CDH15: variants seen among roughly 807,000 people sequenced by gnomAD.
CDH15 encodes cadherin-15.
Under a neutral mutation model 69.4 loss-of-function variants are expected in CDH15, and 73 were observed. That is an observed-to-expected ratio of 1.05 (90% confidence interval 0.87 to 1.28). The LOEUF (loss-of-function observed/expected upper bound fraction) is 1.28, where lower values mean the gene tolerates loss of function less well. Among genes scored for constraint, CDH15 ranks in the 50% most tolerant of loss-of-function variants. The pLI is 0.00. For synonymous variants in CDH15, 624 were observed against 507.7 expected (o/e 1.23, Z -3.08); for missense variants, 1,343 against 1,133.6 (o/e 1.18, Z -2.65).
chr16:89,184,524 G>A (rs1567773134), intron 4 of CDH15, among the ~76,000 whole-genome samples: 1 of 152,162 alleles, frequency 6.6e-6, no homozygotes, highest in Non-Finnish European at 1.5e-5. Context: ...AGGTGGGGCG[G>A]GGGCTCTGGC....
rs565452903 is a variant in CDH15, at chr16:89,186,739, C to A, written c.664-690C>A. On this transcript the variant is annotated intron_variant, in intron 5 of 13. Coordinates refer to ENST00000289746, the MANE Select transcript of CDH15 (RefSeq NM_004933.3). ...AGGTGCTCTGTAAAAGCTCACCCAGCGCACAGAAGGTGCTCTGTAAACGCT... is the reference window on the plus strand; with the variant it reads ...AGGTGCTCTGTAAAAGCTCACCCAGAGCACAGAAGGTGCTCTGTAAACGCT... Among the ~76,000 whole-genome samples, 15 of 148,722 alleles carry A rather than the reference C, an allele frequency of 1.0e-4. No individual in the cohort carries two copies. In the East Asian group the frequency reaches 3.1e-3, roughly 30 times the overall value.
At chr16:89,193,671 C>G (rs1271129001) in intron 12 of CDH15, 65 bp downstream of exon 12, 13 of 1,566,706 alleles carry the variant, frequency 8.3e-6, no homozygotes, top group Non-Finnish European at 1.1e-5. Context: ...CTTCTTACAA[C>G]AAGCTGGCCA....
In CDH15 at chr16:89,193,887, C is replaced by T; in HGVS notation, c.2125C>T (p.Leu709=). The T allele has an allele frequency of 1.2e-6, 2 of 1,612,284 alleles. No individual in the cohort carries two copies. Among genetic ancestry groups the T allele is most frequent in the Non-Finnish European group, 1.7e-6 (2 of 1,179,832 alleles). Residue 709 remains leucine (L), a synonymous_variant, in exon 13 of 14, where the codon CTG becomes TTG. Coordinates refer to ENST00000289746, the MANE Select transcript of CDH15 (RefSeq NM_004933.3). ...QPPRVLPTSP[L]DIADFINDGL... ...ACCCCGAGTGCTGCCCACCAGCCCC[C>T]TGGACATCGCCGACTTCATCAATGA...
chr16:89,192,595 C>T lies in CDH15; in HGVS notation c.1855+151C>T. 8.5e-6 allele frequency: 5 copies of T among 586,916 alleles called. 1 individual carries two copies. Among genetic ancestry groups the T allele is most frequent in the Admixed American group, 6.1e-5 (2 of 32,908 alleles). The allele number at this position is 586,916 out of a possible 1,614,324, so 36.4% of individuals were successfully genotyped here. On this transcript the variant is annotated intron_variant, in intron 11 of 13. Coordinates refer to ENST00000289746, the MANE Select transcript of CDH15 (RefSeq NM_004933.3). ...ATTACCAGCCACGCCGCTTCCTCCC[C>T]AGCTCCGCCTCCTCCCTAACCCCGC...
intron 13 of CDH15, among the ~76,000 whole-genome samples, 179 bp downstream of exon 13, chr16:89,194,092 C>T (rs897974800): frequency 6.6e-6 from 1 of 152,234 alleles, no homozygotes; most frequent in Non-Finnish European, 1.5e-5. Context: ...CCGCTGCCAC[C>T]GTCCAAACTG....
At chr16:89,190,175 C>T in intron 7 of CDH15, 68 bp from the exon 8 acceptor site, 1 of 1,576,160 alleles carries the variant, frequency 6.3e-7, no homozygotes, top group East Asian at 2.3e-5. Flanking sequence ...GTGGCTCCCC[C>T]ATGGCACCTG....
At chr16:89,192,668 C>G (rs1915679939) in intron 11 of CDH15, among the ~76,000 whole-genome samples, 1 of 58,920 alleles carries the variant, frequency 1.7e-5, no homozygotes. Context: ...CGCCTCCTCC[C>G]TAACCCCGCC....
Position 89,180,133 on chromosome 16 carries a change from G to A in CDH15, c.202-67G>A, listed in dbSNP as rs868125078. 4.5e-5 allele frequency: 70 copies of A among 1,567,818 alleles called. 2 individuals are homozygous for A. The South Asian group carries it at 7.9e-4, about 18-fold the overall frequency. ...GCTGTCAGCTGGGGAGGGGCCTGAG[G>A]GGCTGCAGAGAGGGCAGAGGCCCCC... On this transcript the variant is annotated intron_variant, in intron 2 of 13. Coordinates refer to ENST00000289746, the MANE Select transcript of CDH15 (RefSeq NM_004933.3).
intron 6 of CDH15, among the ~76,000 whole-genome samples, chr16:89,187,830 C>T (rs1915523855): frequency 6.6e-6 from 1 of 152,198 alleles, no homozygotes; most frequent in African/African-American, 2.4e-5. Context: ...GAGCAAGTCT[C>T]CCTCCGGCCT....
chr16:89,195,245 C>T lies in CDH15; in HGVS notation c.*90C>T. ...GCCTGAGGTCACCGGGCCCGACCCCCCTGGGCCTGGGGCAGCCTCCTTCCT... is the reference window on the plus strand; with the variant it reads ...GCCTGAGGTCACCGGGCCCGACCCCTCTGGGCCTGGGGCAGCCTCCTTCCT... On this transcript the variant is annotated 3_prime_UTR_variant, in exon 14 of 14. Coordinates refer to ENST00000289746, the MANE Select transcript of CDH15 (RefSeq NM_004933.3). 7.4e-7 allele frequency: 1 copy of T among 1,344,402 alleles called. No individual in the cohort carries two copies. The highest frequency in any genetic ancestry group is 9.9e-7 in the Non-Finnish European group (1 of 1,013,002). 83.3% of individuals were successfully genotyped at this position (1,344,402 alleles called of 1,614,324 possible). A position where few individuals can be genotyped will look rare whatever the true frequency, so the allele number is the denominator to read the frequency against.
rs892268330 is a variant in CDH15 at position 89,195,197 on chromosome 16, C to T, written c.*42C>T. 3.3e-6 allele frequency: 5 copies of T among 1,522,394 alleles called. No homozygotes were observed. The highest frequency in any genetic ancestry group is 4.4e-6 in the Non-Finnish European group (5 of 1,137,210). 94.3% of individuals were successfully genotyped at this position (1,522,394 alleles called of 1,614,324 possible). A position where few individuals can be genotyped will look rare whatever the true frequency, so the allele number is the denominator to read the frequency against. ...GACATGCCACTCCCCGGCCTCGTGG[C>T]AGTGATGGCCCCTGCAGAGGCAGCC... On this transcript the variant is annotated 3_prime_UTR_variant, in exon 14 of 14. Transcript: ENST00000289746.
chr16:89,174,464 C>T (rs752106603), intron 1 of CDH15, among the ~76,000 whole-genome samples: 5 of 152,328 alleles, frequency 3.3e-5, no homozygotes, highest in East Asian at 1.9e-4. Context: ...TCCTCGTTCC[C>T]GTCTCGCAGT....
chr16:89,171,980 C>T, intron 1 of CDH15, 107 bp downstream of exon 1: 7 of 1,244,412 alleles, frequency 5.6e-6, no homozygotes, highest in Middle Eastern at 4.0e-4. Context: ...TGGCCCTGGT[C>T]GCCTTTGGGG....
rs763665765 is a variant in CDH15 at position 89,193,909 on chromosome 16, A to G, written c.2147A>G (p.Asn716Ser). Residue 716 changes from asparagine (N) to serine (S), a missense_variant, in exon 13 of 14, where the codon AAT (asparagine) becomes AGT (serine). Asn to Ser is a conservative substitution (Grantham distance 46, BLOSUM62 1). Coordinates refer to ENST00000289746, the MANE Select transcript of CDH15 (RefSeq NM_004933.3). Reference protein sequence around the residue: ...TSPLDIADFINDGLEAADSDP... With the variant: ...TSPLDIADFISDGLEAADSDP... ...CCCCTGGACATCGCCGACTTCATCA[A>G]TGATGTAGGTGCTCCTGGGGACACC... The G allele has an allele frequency of 3.7e-6, 6 of 1,612,110 alleles. No individual in the cohort carries two copies. The highest frequency in any genetic ancestry group is 5.1e-6 in the Non-Finnish European group (6 of 1,179,762).
intron 3 of CDH15, chr16:89,182,844 G>C (rs757628192): frequency 6.6e-6 from 1 of 152,170 alleles, no homozygotes; most frequent in South Asian, 2.1e-4. Context: ...CCCATTCTCC[G>C]AAAGGATGGG....
chr16:89,194,831 T>C, intron 13 of CDH15, 31 bp from the exon 14 acceptor site: 4 of 1,581,604 alleles, frequency 2.5e-6, no homozygotes, highest in Non-Finnish European at 2.6e-6. Flanking sequence ...GGCCCCTCCA[T>C]GTGTCTTGAG....
chr16:89,195,271 G>A lies in CDH15; in HGVS notation c.*116G>A, dbSNP rs992371288. On this transcript the variant is annotated 3_prime_UTR_variant, in exon 14 of 14. Transcript: ENST00000289746. ...CTGGGCCTGGGGCAGCCTCCTTCCT[G>A]TAGGCGAGGGCCCAAGTCTGGGGGC... 4.4e-6 allele frequency: 5 copies of A among 1,127,144 alleles called. No homozygotes were observed. The African/African-American group carries it at 6.3e-5, about 14-fold the overall frequency. 69.8% of individuals were successfully genotyped at this position (1,127,144 alleles called of 1,614,324 possible).
chr16:89,193,421 G>T (rs1441695985), intron 11 of CDH15, 49 bp from the exon 12 acceptor site: 1 of 1,506,672 alleles, frequency 6.6e-7, no homozygotes, highest in South Asian at 1.2e-5. Flanking sequence ...CCGGCCCCCT[G>T]AAGTCGCGCC....
chr16:89,191,731 C>T lies in CDH15; in HGVS notation c.1452C>T (p.Ala484=). 6.2e-7 allele frequency: 1 copy of T among 1,603,882 alleles called. No homozygotes were observed. Residue 484 remains alanine (A), a synonymous_variant, in exon 10 of 14, where the codon GCC becomes GCT. Transcript: ENST00000289746. ...LEVNDHAPVL[A]PPPPGSLCSE... ...TGAACGACCATGCACCTGTGCTGGC[C>T]CCGCCGCCGCCGGGCAGCCTGTGCA...
Sources: allele counts gnomAD v4.1 joint callset (sites outside exome capture counted in the v4.1 genomes callset), GRCh38; gene constraint gnomAD v4.1.1; transcripts MANE v1.5; gene names NCBI Gene and HGNC (gene_info 2026-07-23, HGNC 2026-07-21).